The following KDM4C variants were observed in gnomAD, a reference collection of about 807,000 sequenced individuals.
KDM4C encodes the protein lysine-specific demethylase 4C.
In KDM4C, 81 loss-of-function variants were observed where a neutral mutation model predicts 129.3. That is an observed-to-expected ratio of 0.63 (90% CI 0.52 to 0.75). The LOEUF (loss-of-function observed/expected upper bound fraction) is 0.75. Ranked by LOEUF, KDM4C falls within the 30% of genes least tolerant of loss-of-function variation. KDM4C has a pLI of 0.00. For missense variants in KDM4C, 1,457 were observed against 1,304.0 expected (o/e 1.12, Z -1.81); for synonymous variants, 573 against 456.1 (o/e 1.26, Z -3.26).
At chr9:7,090,255 C>T (rs932309633) in intron 17 of KDM4C, among the ~76,000 whole-genome samples, 3 of 152,162 alleles carry the variant, frequency 2.0e-5, no homozygotes, top group African/African-American at 7.2e-5. Context: ...ATGACATTTA[C>T]CTCTTCTAGG....
intron 3 of KDM4C, among the ~76,000 whole-genome samples, chr9:6,806,288 A>T (rs1246324796): frequency 6.6e-6 from 1 of 152,068 alleles, no homozygotes; most frequent in Non-Finnish European, 1.5e-5. Context: ...TGAGGTCGGG[A>T]GTTCAAGACC....
At chr9:6,933,809 G>A (rs1324524527) in intron 8 of KDM4C, among the ~76,000 whole-genome samples, 1 of 149,128 alleles carries the variant, frequency 6.7e-6, no homozygotes, top group Non-Finnish European at 1.5e-5. Flanking sequence ...GGTTTTTTTT[G>A]AATTGCATTT....
intron 1 of KDM4C, among the ~76,000 whole-genome samples, chr9:6,791,452 T>C (rs1019828006): frequency 2.6e-5 from 4 of 152,184 alleles, no homozygotes; most frequent in Non-Finnish European, 4.4e-5. Context: ...CTAGACAGTT[T>C]GGAAGGTGAA....
At chr9:7,037,569 G>A (rs954267424) in intron 15 of KDM4C, among the ~76,000 whole-genome samples, 16 of 152,130 alleles carry the variant, frequency 1.1e-4, no homozygotes, top group Admixed American at 8.5e-4. Context: ...TTTCATCTCA[G>A]TGGTGATTTT....
chr9:7,135,256 C>T (rs898455175), intron 19 of KDM4C, among the ~76,000 whole-genome samples: 2 of 152,106 alleles, frequency 1.3e-5, no homozygotes, highest in African/African-American at 4.8e-5. Context: ...CGTTTTTCTT[C>T]AAATATATAC....
chr9:6,786,419 T>C (rs1188052275), intron 1 of KDM4C, among the ~76,000 whole-genome samples: 13 of 152,220 alleles, frequency 8.5e-5, no homozygotes, highest in Non-Finnish European at 5.9e-5. Flanking sequence ...GTTTTTGCTG[T>C]AGGTGGTCTC....
At chr9:6,785,795 G>C (rs1029035932) in intron 1 of KDM4C, among the ~76,000 whole-genome samples, 1 of 152,196 alleles carries the variant, frequency 6.6e-6, no homozygotes, top group Non-Finnish European at 1.5e-5. Context: ...CTTTTGGGGG[G>C]ACACAAGTCA....
intron 8 of KDM4C, among the ~76,000 whole-genome samples, chr9:6,936,738 G>T (rs1824865510): frequency 6.6e-6 from 1 of 152,156 alleles, no homozygotes; most frequent in Non-Finnish European, 1.5e-5. Context: ...AAGAGCACAG[G>T]CTTTTGAGTA....
intron 2 of KDM4C, among the ~76,000 whole-genome samples, chr9:6,796,562 C>T (rs955159380): frequency 2.6e-5 from 4 of 152,166 alleles, no homozygotes; most frequent in African/African-American, 7.2e-5. Context: ...CAGCTACCCT[C>T]ACAAGGGAGC....
At chr9:6,904,425 G>A (rs910823219) in intron 8 of KDM4C, among the ~76,000 whole-genome samples, 1 of 148,772 alleles carries the variant, frequency 6.7e-6, no homozygotes, top group African/African-American at 2.5e-5. Context: ...TTTTTTTTGA[G>A]GGGCATCACA....
At chr9:6,884,540 C>T (rs994610227) in intron 6 of KDM4C, among the ~76,000 whole-genome samples, 2 of 152,126 alleles carry the variant, frequency 1.3e-5, no homozygotes, top group African/African-American at 4.8e-5. Flanking sequence ...GATAAAACTT[C>T]ATCAAAGCAT....
intron 8 of KDM4C, among the ~76,000 whole-genome samples, chr9:6,969,251 T>C (rs1478421268): frequency 6.6e-6 from 1 of 152,222 alleles, no homozygotes; most frequent in East Asian, 1.9e-4. Context: ...TGTTAATTAC[T>C]ATTTTGATAT....
At chr9:7,135,888 G>A (rs1263052532) in intron 19 of KDM4C, among the ~76,000 whole-genome samples, 1 of 152,178 alleles carries the variant, frequency 6.6e-6, no homozygotes, top group Non-Finnish European at 1.5e-5. Flanking sequence ...GCTTTGGGAA[G>A]TCACATCCCA....
At chr9:6,786,228 T>G (rs1466851418) in intron 1 of KDM4C, among the ~76,000 whole-genome samples, 2 of 152,216 alleles carry the variant, frequency 1.3e-5, no homozygotes, top group Non-Finnish European at 2.9e-5. Flanking sequence ...TGGTTTCTTT[T>G]TTATTACCAA....
At chr9:7,040,998 G>T (rs1254079996) in intron 15 of KDM4C, among the ~76,000 whole-genome samples, 1 of 149,524 alleles carries the variant, frequency 6.7e-6, no homozygotes, top group Non-Finnish European at 1.5e-5. Flanking sequence ...TCACCTTTTA[G>T]TACTCCAATT....
chr9:7,167,930 C>T (rs1844565983), intron 20 of KDM4C, among the ~76,000 whole-genome samples: 1 of 152,150 alleles, frequency 6.6e-6, no homozygotes, highest in South Asian at 2.1e-4. Flanking sequence ...GCCTGTAATC[C>T]CAGCACTTTG....
At chr9:6,816,145 A>G (rs968953350) in intron 4 of KDM4C, among the ~76,000 whole-genome samples, 46 of 152,348 alleles carry the variant, frequency 3.0e-4, no homozygotes, top group East Asian at 1.3e-3. Flanking sequence ...TTAGCTGACT[A>G]TCTGTCCCCA....
intron 2 of KDM4C, among the ~76,000 whole-genome samples, chr9:6,802,913 G>A (rs141018439): frequency 6.6e-6 from 1 of 152,192 alleles, no homozygotes; most frequent in African/African-American, 2.4e-5. Flanking sequence ...GGCCTAGGCC[G>A]TTATATTTAA....
intron 1 of KDM4C, among the ~76,000 whole-genome samples, chr9:6,721,663 A>ACTGCAAC (rs932223082): frequency 4.9e-5 from 7 of 143,896 alleles, no homozygotes; most frequent in Non-Finnish European, 9.0e-5. Flanking sequence ...GTCTCGGCTC[A>ACTGCAAC]CTGCAACCTC....
Sources: gnomAD v4.1 joint callset for allele counts (sites outside exome capture counted in the v4.1 genomes callset) on GRCh38, gnomAD v4.1.1 for gene constraint, MANE v1.5 for transcripts, NCBI Gene and HGNC (gene_info 2026-07-23, HGNC 2026-07-21) for gene names.